The following SLC10A7 variants were observed in gnomAD, a reference collection of about 807,000 sequenced individuals.
SLC10A7 encodes the protein solute carrier family 10 member 7, also known as sodium/bile acid cotransporter 7.
In SLC10A7, 29 loss-of-function variants were observed where a neutral mutation model predicts 43.2. The ratio of observed to expected loss-of-function variants is 0.67; its 90% CI spans 0.50 to 0.92. The LOEUF is 0.92. Among genes scored for constraint, SLC10A7 ranks in the 40% least tolerant of loss-of-function variants. The pLI, the probability that SLC10A7 is intolerant of heterozygous loss-of-function variation, is 0.00. For synonymous variants in SLC10A7, 152 were observed against 144.8 expected, an observed-to-expected ratio of 1.05 and a Z score of -0.35; for missense variants, 295 against 403.2, an observed-to-expected ratio of 0.73 and a Z score of 2.30.
At chr4:146,493,499 AAG>A (rs975087385) in intron 4 of SLC10A7, among the ~76,000 whole-genome samples, 1 of 151,732 alleles carries the variant, frequency 6.6e-6, no homozygotes, top group Non-Finnish European at 1.5e-5. Context: ...AAAAAAAAAA[AAG>A]AGAGAGAGGG....
intron 4 of SLC10A7, among the ~76,000 whole-genome samples, chr4:146,466,074 T>G (rs1733003661): frequency 6.6e-6 from 1 of 152,230 alleles, no homozygotes; most frequent in African/African-American, 2.4e-5. Flanking sequence ...AAAAAATGTA[T>G]TCCCTTAACT....
intron 5 of SLC10A7, among the ~76,000 whole-genome samples, chr4:146,407,962 A>G (rs1285364632): frequency 6.6e-6 from 1 of 152,182 alleles, no homozygotes; most frequent in Non-Finnish European, 1.5e-5. Flanking sequence ...ATAAAGGGAA[A>G]AACGTCAGTC....
chr4:146,423,562 C>T (rs1442674387), intron 5 of SLC10A7, among the ~76,000 whole-genome samples: 1 of 152,004 alleles, frequency 6.6e-6, no homozygotes, highest in Non-Finnish European at 1.5e-5. Flanking sequence ...AAATCTACAT[C>T]AAAATTGTAA....
At chr4:146,345,102 G>A (rs1046481907) in intron 5 of SLC10A7, among the ~76,000 whole-genome samples, 3 of 152,110 alleles carry the variant, frequency 2.0e-5, no homozygotes, top group African/African-American at 4.8e-5. Context: ...AAGAAAGGTC[G>A]AGCATTTTGA....
At chr4:146,459,265 A>G (rs2149931893) in intron 4 of SLC10A7, among the ~76,000 whole-genome samples, 1 of 151,908 alleles carries the variant, frequency 6.6e-6, no homozygotes, top group South Asian at 2.1e-4. Flanking sequence ...ATTTCTCCAC[A>G]TTGATTTATA....
intron 5 of SLC10A7, among the ~76,000 whole-genome samples, chr4:146,382,182 T>C (rs187753249): frequency 4.3e-4 from 66 of 152,294 alleles, no homozygotes; most frequent in Admixed American, 3.7e-3. Flanking sequence ...TGCTGTGCAA[T>C]TATAGCGATG....
intron 5 of SLC10A7, among the ~76,000 whole-genome samples, chr4:146,394,330 A>G (rs190877827): frequency 9.6e-4 from 146 of 152,288 alleles, no homozygotes; most frequent in African/African-American, 3.3e-3. Context: ...TTTCCTTTCT[A>G]CAACAAAGAA....
At chr4:146,356,492 T>G (rs1578979296) in intron 5 of SLC10A7, among the ~76,000 whole-genome samples, 1 of 152,052 alleles carries the variant, frequency 6.6e-6, no homozygotes, top group Middle Eastern at 3.2e-3. Context: ...TCTACTCTTT[T>G]ACCTTCTTCC....
intron 5 of SLC10A7, among the ~76,000 whole-genome samples, chr4:146,383,423 C>T (rs1737774066): frequency 6.6e-6 from 1 of 152,082 alleles, no homozygotes; most frequent in South Asian, 2.1e-4. Context: ...GAGTAAATAA[C>T]TTTGTAATCT....
intron 4 of SLC10A7, among the ~76,000 whole-genome samples, chr4:146,474,409 G>A (rs1293281293): frequency 6.6e-6 from 1 of 152,050 alleles, no homozygotes; most frequent in Non-Finnish European, 1.5e-5. Flanking sequence ...ATAGAAACTT[G>A]ACTTTTGATT....
rs747938189 is a variant in SLC10A7, at chr4:146,276,725, G to C, written c.847+6467C>G. ...AGTGCTTTGAGAGGCTGAGGTGGGA[G>C]GATTGCTTGAGGCCAGGAGTTTAAG... On this transcript the variant is annotated intron_variant, in intron 10 of 11. Coordinates refer to ENST00000335472, the MANE Select transcript of SLC10A7 (RefSeq NM_001029998.6). Among the ~76,000 whole-genome samples, 110 of 152,196 alleles carry C rather than the reference G, an allele frequency of 7.2e-4. 1 individual carries two copies. Among genetic ancestry groups the C allele is most frequent in the Non-Finnish European group, 1.2e-3 (83 of 68,000 alleles).
intron 6 of SLC10A7, among the ~76,000 whole-genome samples, chr4:146,314,020 G>T (rs542088337): frequency 8.1e-4 from 124 of 152,228 alleles, no homozygotes; most frequent in African/African-American, 3.0e-3. Flanking sequence ...TGTCTCCCAA[G>T]AGGCATGCTT....
intron 7 of SLC10A7, among the ~76,000 whole-genome samples, chr4:146,302,310 C>A (rs537507101): frequency 1.3e-5 from 2 of 152,156 alleles, no homozygotes; most frequent in Non-Finnish European, 2.9e-5. Flanking sequence ...CAAAGCATAT[C>A]CCTTACAGAT....
chr4:146,395,434 T>A (rs1293746879), intron 5 of SLC10A7, among the ~76,000 whole-genome samples: 1 of 152,154 alleles, frequency 6.6e-6, no homozygotes, highest in Non-Finnish European at 1.5e-5. Flanking sequence ...GCTACTATCT[T>A]GTATTTCATA....
intron 5 of SLC10A7, among the ~76,000 whole-genome samples, chr4:146,402,981 C>A (rs1739327054): frequency 1.3e-5 from 2 of 152,138 alleles, no homozygotes; most frequent in South Asian, 4.1e-4. Context: ...AATTTTCTAA[C>A]TTTTCTGTGC....
chr4:146,515,925 A>C (rs1386538836), intron 2 of SLC10A7, among the ~76,000 whole-genome samples: 1 of 151,770 alleles, frequency 6.6e-6, no homozygotes, highest in Non-Finnish European at 1.5e-5. Context: ...AAAAAAAAAA[A>C]AAAAAAAAAC....
chr4:146,486,342 T>C (rs1734922156), intron 4 of SLC10A7, among the ~76,000 whole-genome samples: 1 of 152,216 alleles, frequency 6.6e-6, no homozygotes, highest in Non-Finnish European at 1.5e-5. Flanking sequence ...GAAAATAATG[T>C]TTTGTGATTT....
chr4:146,518,553 C>T (rs1012150889), intron 1 of SLC10A7, among the ~76,000 whole-genome samples: 10 of 152,054 alleles, frequency 6.6e-5, no homozygotes, highest in Non-Finnish European at 1.5e-4. Context: ...TAAATAGTGT[C>T]CCCCGACTCC....
At chr4:146,497,107 T>G (rs1200688436) in intron 4 of SLC10A7, among the ~76,000 whole-genome samples, 1 of 152,236 alleles carries the variant, frequency 6.6e-6, no homozygotes, top group African/African-American at 2.4e-5. Flanking sequence ...ACATTCTAAT[T>G]CAATATGTCT....
Sources: gnomAD v4.1 joint callset for allele counts (sites outside exome capture counted in the v4.1 genomes callset) on GRCh38, gnomAD v4.1.1 for gene constraint, MANE v1.5 for transcripts, NCBI Gene and HGNC (gene_info 2026-07-23, HGNC 2026-07-21) for gene names.